The following RBM33 variants were observed in gnomAD, a reference collection of about 807,000 sequenced individuals.
RBM33 encodes RNA binding motif protein 33, also known as RNA-binding protein 33.
In RBM33, 28 loss-of-function variants were observed where a neutral mutation model predicts 132.6. That is an observed-to-expected ratio of 0.21 (90% CI 0.16 to 0.29). The LOEUF is 0.29. Ranked by LOEUF, RBM33 falls within the 10% of genes least tolerant of loss-of-function variation. RBM33 has a pLI of 1.00. For missense variants in RBM33, 1,291 were observed against 1,518.5 expected, an observed-to-expected ratio of 0.85 and a Z score of 2.49; for synonymous variants, 634 against 593.0, an observed-to-expected ratio of 1.07 and a Z score of -1.01.
intron 13 of RBM33, among the ~76,000 whole-genome samples, chr7:155,743,875 C>T (rs1483039367): frequency 2.0e-5 from 3 of 152,152 alleles, no homozygotes; most frequent in Non-Finnish European, 4.4e-5. Context: ...TGCCCATGTC[C>T]CTTGTGCCCA....
intron 1 of RBM33, among the ~76,000 whole-genome samples, chr7:155,660,824 T>G: frequency 6.6e-6 from 1 of 152,148 alleles, no homozygotes; most frequent in East Asian, 1.9e-4. Context: ...TTGAGTATTT[T>G]TTCCTTCTCC....
At chr7:155,761,876 A>C (rs1802047613) in intron 14 of RBM33, among the ~76,000 whole-genome samples, 1 of 152,016 alleles carries the variant, frequency 6.6e-6, no homozygotes, top group Admixed American at 6.6e-5. Flanking sequence ...CAAATGACTG[A>C]TTTTAGATGT....
chr7:155,656,596 A>G (rs537687707), intron 1 of RBM33, among the ~76,000 whole-genome samples: 39 of 152,206 alleles, frequency 2.6e-4, no homozygotes, highest in Non-Finnish European at 4.6e-4. Context: ...AGGAAAAAAA[A>G]AATATGTGTA....
In RBM33 at chr7:155,644,705, C is replaced by A. The variant is rs183713283; in HGVS notation, c.-172C>A. 1.0e-3 allele frequency: 503 copies of A among 483,930 alleles called. 2 individuals are homozygous for A. The highest frequency in any genetic ancestry group is 9.5e-3 in the African/African-American group (466 of 49,264). The allele number at this position is 483,930 out of a possible 1,614,324, so 30.0% of individuals were successfully genotyped here. On this transcript the variant is annotated 5_prime_UTR_variant, in exon 1 of 18. Transcript: ENST00000401878. ...TGTTGCGGTAGTTTGTTGTTTTCTTCCTGCGGAGGCGAAGGGCCAGCTGTG... is the reference window on the plus strand; with the variant it reads ...TGTTGCGGTAGTTTGTTGTTTTCTTACTGCGGAGGCGAAGGGCCAGCTGTG...
chr7:155,771,310 C>G (rs1317239679), intron 16 of RBM33, among the ~76,000 whole-genome samples: 1 of 152,186 alleles, frequency 6.6e-6, no homozygotes, highest in African/African-American at 2.4e-5. Context: ...ATCACGAATA[C>G]TTGTCATTTT....
intron 1 of RBM33, among the ~76,000 whole-genome samples, chr7:155,653,243 T>C (rs1446681866): frequency 1.3e-5 from 2 of 152,150 alleles, no homozygotes; most frequent in African/African-American, 4.8e-5. Context: ...ACGCCAGTCC[T>C]TGGATTTAGG....
intron 4 of RBM33, among the ~76,000 whole-genome samples, chr7:155,679,438 C>T (rs542051775): frequency 3.0e-4 from 45 of 152,096 alleles, no homozygotes; most frequent in Non-Finnish European, 5.7e-4. Context: ...ACTTTAGACT[C>T]TAGTTGACTG....
At chr7:155,748,681 T>A (rs943049498) in intron 14 of RBM33, among the ~76,000 whole-genome samples, 3 of 152,158 alleles carry the variant, frequency 2.0e-5, no homozygotes, top group African/African-American at 7.2e-5. Flanking sequence ...GTTTTTGTAG[T>A]CTGCCCTGTG....
At chr7:155,654,014 A>G (rs1798426178) in intron 1 of RBM33, among the ~76,000 whole-genome samples, 1 of 152,186 alleles carries the variant, frequency 6.6e-6, no homozygotes, top group South Asian at 2.1e-4. Flanking sequence ...TGATTGTGCA[A>G]TTTGGTACAG....
chr7:155,701,279 C>G (rs1799955667), intron 6 of RBM33: 1 of 417,726 alleles, frequency 2.4e-6, no homozygotes, highest in African/African-American at 2.0e-5. Flanking sequence ...GCTATGGGGC[C>G]AGGTTGACCC....
At position 155,737,587 on chromosome 7, in the gene RBM33, C is replaced by T. The variant is rs370162163; in HGVS notation, c.1318C>T (p.Pro440Ser). The T allele has an allele frequency of 1.2e-6, 2 of 1,613,066 alleles. No individual in the cohort carries two copies. Among genetic ancestry groups the T allele is most frequent in the African/African-American group, 1.3e-5 (1 of 74,858 alleles). ...ACCTGTTCCCAACAGTTTCAGCCAG[C>T]CCCCACGACTCCCTCTCCAGGACCA... The part of the protein sequence containing the change: ...PGPVPNSFSQ[P>S]PRLPLQDQWR... The change falls in exon 10 of 18, where the codon CCC becomes TCC. Residue 440 changes from proline (P) to serine (S), a missense_variant. Coordinates refer to ENST00000401878, the MANE Select transcript of RBM33 (RefSeq NM_053043.3).
chr7:155,661,427 A>C (rs1585406031), intron 1 of RBM33, among the ~76,000 whole-genome samples: 1 of 131,504 alleles, frequency 7.6e-6, no homozygotes, highest in Middle Eastern at 4.8e-3. Flanking sequence ...TTTTTTTCCC[A>C]GACAGAGTCT....
chr7:155,703,451 T>G (rs1563151591), intron 6 of RBM33, among the ~76,000 whole-genome samples: 1 of 152,164 alleles, frequency 6.6e-6, no homozygotes, highest in Non-Finnish European at 1.5e-5. Flanking sequence ...AAAAAAGCAC[T>G]TAACTGGATT....
intron 14 of RBM33, among the ~76,000 whole-genome samples, 179 bp from the exon 15 acceptor site, chr7:155,763,633 C>G (rs547292748): frequency 6.6e-6 from 1 of 152,268 alleles, no homozygotes; most frequent in South Asian, 2.1e-4. Context: ...AGAACCTGAC[C>G]ACTCTCCAAT....
intron 14 of RBM33, among the ~76,000 whole-genome samples, chr7:155,748,188 A>G (rs189257108): frequency 6.6e-6 from 1 of 152,378 alleles, no homozygotes; most frequent in Admixed American, 6.5e-5. Flanking sequence ...TACTTACTTA[A>G]TGAAAACATT....
At chr7:155,718,964 C>G (rs987953121) in intron 9 of RBM33, among the ~76,000 whole-genome samples, 8 of 152,110 alleles carry the variant, frequency 5.3e-5, no homozygotes, top group Non-Finnish European at 8.8e-5. Flanking sequence ...CTCTCTCTCT[C>G]TCTCACACAC....
In RBM33 at chr7:155,706,888, G is replaced by T; in HGVS notation, c.768G>T (p.Leu256Phe). The T allele has an allele frequency of 1.2e-6, 2 of 1,606,110 alleles. No individual in the cohort carries two copies. The highest frequency in any genetic ancestry group is 1.7e-6 in the Non-Finnish European group (2 of 1,176,544). The part of the protein sequence containing the change: ...LELSAEAKAA[L>F]LEFEERERQH... ...TTTCAGCAGAGGCCAAGGCAGCATT[G>T]CTTGAATTTGAAGAAAGGGAGCGAC... Residue 256 changes from leucine (L) to phenylalanine (F), a missense_variant, in exon 7 of 18, where the codon TTG becomes TTT. Transcript: ENST00000401878.
intron 1 of RBM33, among the ~76,000 whole-genome samples, chr7:155,649,436 A>T (rs536851425): frequency 7.3e-4 from 111 of 152,354 alleles, no homozygotes; most frequent in African/African-American, 2.6e-3. Context: ...TATTTTCTGT[A>T]TGAATCTGAA....
intron 15 of RBM33, among the ~76,000 whole-genome samples, chr7:155,764,523 A>T (rs745643270): frequency 2.2e-4 from 34 of 152,178 alleles, no homozygotes; most frequent in Non-Finnish European, 4.6e-4. Flanking sequence ...AGCTTCTCTG[A>T]GCTCAGGCTG....
Sources: gnomAD v4.1 joint callset for allele counts (sites outside exome capture counted in the v4.1 genomes callset) on GRCh38, gnomAD v4.1.1 for gene constraint, MANE v1.5 for transcripts, NCBI Gene and HGNC (gene_info 2026-07-23, HGNC 2026-07-21) for gene names.